Variants in ZBED3 observed in about 807,000 individuals in gnomAD.
ZBED3 encodes the protein zinc finger BED-type containing 3.
For missense variants in ZBED3, 388 were observed against 362.9 expected (o/e 1.07, Z -0.56); for synonymous variants, 175 against 180.0 (o/e 0.97, Z 0.22).
rs1296869793 is a variant in ZBED3 at position 77,073,277 on chromosome 5, T to C, written c.*3897A>G. Reference sequence around the variant, plus strand: ...GGAGTAGTTAAGATTCTAAATCCTTTCCTATGTTTTAATGGTTCTTACAAT... The same window carrying C: ...GGAGTAGTTAAGATTCTAAATCCTTCCCTATGTTTTAATGGTTCTTACAAT... On this transcript the variant is annotated 3_prime_UTR_variant, in exon 3 of 3. Coordinates refer to ENST00000255198, the MANE Select transcript of ZBED3 (RefSeq NM_032367.4). The C allele has an allele frequency of 6.6e-6, 1 of 152,174 alleles. No individual in the cohort carries two copies. The allele number at this position is 152,174 out of a possible 1,614,324, so 9.4% of individuals were successfully genotyped here.
chr5:77,083,378 G>A (rs1466173829), intron 1 of ZBED3, among the ~76,000 whole-genome samples: 1 of 152,182 alleles, frequency 6.6e-6, no homozygotes, highest in Non-Finnish European at 1.5e-5. Flanking sequence ...TGGAAGAGGA[G>A]CTCATCCCAT....
At position 77,076,198 on chromosome 5, in the gene ZBED3, A is replaced by C. The variant is rs1013767670; in HGVS notation, c.*976T>G. 6.6e-6 allele frequency: 1 copy of C among 151,084 alleles called. No homozygotes were observed. Among genetic ancestry groups the C allele is most frequent in the Non-Finnish European group, 1.5e-5 (1 of 67,896 alleles). 9.4% of individuals were successfully genotyped at this position (151,084 alleles called of 1,614,324 possible). A position where few individuals can be genotyped will look rare whatever the true frequency, so the allele number is the denominator to read the frequency against. ...TTTCAGTAAGAAAGGGAGACTGCACATTGCTGAGGAAGAAGAGCCTGGGGG... is the reference window on the plus strand; with the variant it reads ...TTTCAGTAAGAAAGGGAGACTGCACCTTGCTGAGGAAGAAGAGCCTGGGGG... On this transcript the variant is annotated 3_prime_UTR_variant, in exon 3 of 3. Transcript: ENST00000255198.
chr5:77,075,323 A>G lies in ZBED3; in HGVS notation c.*1851T>C, dbSNP rs1742954112. Reference sequence around the variant, plus strand: ...GTTGTTGTAGACTGAAAGTGACTAGAGTTGAAACCAAAAGAATGTATGAAC... The same window carrying G: ...GTTGTTGTAGACTGAAAGTGACTAGGGTTGAAACCAAAAGAATGTATGAAC... On this transcript the variant is annotated 3_prime_UTR_variant, in exon 3 of 3. Transcript: ENST00000255198. 1 of 152,190 alleles carries G rather than the reference A, an allele frequency of 6.6e-6. No homozygotes were observed. The highest frequency in any genetic ancestry group is 1.5e-5 in the Non-Finnish European group (1 of 68,030). 9.4% of individuals were successfully genotyped at this position (152,190 alleles called of 1,614,324 possible).
rs1561296586 is a variant in ZBED3, at chr5:77,076,035, AT to A, written c.*1138del. The A allele has an allele frequency of 1.1e-5, 1 of 94,800 alleles. No homozygotes were observed. Among genetic ancestry groups the A allele is most frequent in the Non-Finnish European group, 2.4e-5 (1 of 42,186 alleles). 5.9% of individuals were successfully genotyped at this position (94,800 alleles called of 1,614,324 possible). On this transcript the variant is annotated 3_prime_UTR_variant, in exon 3 of 3. Coordinates refer to ENST00000255198, the MANE Select transcript of ZBED3 (RefSeq NM_032367.4). ...TATGTATATATGTATATATATATGT[AT>A]ATATGTATATATATATATAATATAT... is the stretch of plus-strand genomic sequence containing the variant.
At chr5:77,077,979 GCCCT>G in intron 2 of ZBED3, 84 bp from the exon 3 acceptor site, 1 of 1,008,400 alleles carries the variant, frequency 9.9e-7, no homozygotes, top group East Asian at 3.3e-5. Flanking sequence ...AAACCATGCC[GCCCT>G]CCATTTTCTT....
Position 77,074,964 on chromosome 5 carries a change from G to C in ZBED3, c.*2210C>G, listed in dbSNP as rs1464077102. On this transcript the variant is annotated 3_prime_UTR_variant, in exon 3 of 3. Transcript: ENST00000255198. ...AGTATGTGCCTGATACATTGTTAGT[G>C]CCCAGTAAATGTTAGTTATCAGGTG... 2 of 152,198 alleles carry C rather than the reference G, an allele frequency of 1.3e-5. No homozygotes were observed. The highest frequency in any genetic ancestry group is 4.8e-5 in the African/African-American group (2 of 41,440). The allele number at this position is 152,198 out of a possible 1,614,324, so 9.4% of individuals were successfully genotyped here.
chr5:77,084,715 C>T (rs1254137428), intron 1 of ZBED3, among the ~76,000 whole-genome samples: 1 of 152,154 alleles, frequency 6.6e-6, no homozygotes, highest in African/African-American at 2.4e-5. Context: ...GGGGCCCTAA[C>T]ACAAAAGTTC....
In ZBED3 at chr5:77,073,089, A is replaced by AT. The variant is rs1006365472; in HGVS notation, c.*4084dup. The AT allele has an allele frequency of 2.1e-5, 3 of 145,098 alleles. No individual in the cohort carries two copies. The highest frequency in any genetic ancestry group is 3.9e-4 in the East Asian group (2 of 5,190). The allele number at this position is 145,098 out of a possible 1,614,324, so 9.0% of individuals were successfully genotyped here. ...GAGAGGAATGTTGTCTACAAACAAAATTTTTTTATCATAAAAGTAATTCAT... is the reference window on the plus strand; with the variant it reads ...GAGAGGAATGTTGTCTACAAACAAAATTTTTTTTATCATAAAAGTAATTCAT... On this transcript the variant is annotated 3_prime_UTR_variant, in exon 3 of 3. Transcript: ENST00000255198.
rs935558541 is a variant in ZBED3 at position 77,077,525 on chromosome 5, C to T, written c.354G>A (p.Pro118=). The change falls in exon 3 of 3, where the codon CCG becomes CCA. Residue 118 remains proline, a synonymous_variant. Transcript: ENST00000255198. The part of the protein sequence containing the change: ...SSPPAAPCPP[P]PGPAAAPEGD... ...CCTCGGGGGCCGCAGCGGGGCCGGG[C>T]GGCGGCGGGCAGGGCGCGGCAGGTG... is the stretch of plus-strand genomic sequence containing the variant. The T allele has an allele frequency of 1.7e-6, 2 of 1,205,742 alleles. No homozygotes were observed. The highest frequency in any genetic ancestry group is 2.1e-6 in the Non-Finnish European group (2 of 974,366). 74.7% of individuals were successfully genotyped at this position (1,205,742 alleles called of 1,614,324 possible). A position where few individuals can be genotyped will look rare whatever the true frequency, so the allele number is the denominator to read the frequency against.
At chr5:77,081,467 A>G (rs1357332154) in intron 1 of ZBED3, among the ~76,000 whole-genome samples, 2 of 151,532 alleles carry the variant, frequency 1.3e-5, no homozygotes, top group Non-Finnish European at 2.9e-5. Context: ...CTCCCACCTC[A>G]GCCTCCAAAG....
At chr5:77,083,824 G>A (rs530928556) in intron 1 of ZBED3, among the ~76,000 whole-genome samples, 1 of 152,220 alleles carries the variant, frequency 6.6e-6, no homozygotes, top group African/African-American at 2.4e-5. Flanking sequence ...TTCCTAAATT[G>A]AACTTCATGC....
chr5:77,082,460 T>C (rs1743147598), intron 1 of ZBED3, among the ~76,000 whole-genome samples: 1 of 152,126 alleles, frequency 6.6e-6, no homozygotes, highest in South Asian at 2.1e-4. Context: ...TGGCTGAGTA[T>C]ATAACATATG....
At chr5:77,081,718 C>T (rs1743133099) in intron 1 of ZBED3, among the ~76,000 whole-genome samples, 1 of 152,050 alleles carries the variant, frequency 6.6e-6, no homozygotes, top group African/African-American at 2.4e-5. Flanking sequence ...TCAATTTTTC[C>T]TTGAACATTT....
chr5:77,080,690 C>G (rs963856303), intron 1 of ZBED3: 1 of 479,780 alleles, frequency 2.1e-6, no homozygotes, highest in Non-Finnish European at 4.2e-6. Context: ...ATCACAAGGA[C>G]AGAAAACCAA....
intron 1 of ZBED3, among the ~76,000 whole-genome samples, chr5:77,085,771 T>G (rs1743225398): frequency 6.6e-6 from 1 of 152,186 alleles, no homozygotes; most frequent in Non-Finnish European, 1.5e-5. Flanking sequence ...TATAAAGAGA[T>G]CCAGACAATT....
intron 1 of ZBED3, among the ~76,000 whole-genome samples, chr5:77,084,195 A>G (rs1474001097): frequency 6.6e-6 from 1 of 152,170 alleles, no homozygotes; most frequent in Non-Finnish European, 1.5e-5. Flanking sequence ...GTTGGGAAAG[A>G]GATGCTTCCA....
At chr5:77,082,021 CTT>C (rs1743138281) in intron 1 of ZBED3, among the ~76,000 whole-genome samples, 1 of 152,160 alleles carries the variant, frequency 6.6e-6, no homozygotes, top group African/African-American at 2.4e-5. Context: ...AATCCCAACA[CTT>C]TGGGAGTTCC....
chr5:77,077,959 T>A, intron 2 of ZBED3, 64 bp from the exon 3 acceptor site: 1 of 1,148,382 alleles, frequency 8.7e-7, no homozygotes, highest in Non-Finnish European at 1.1e-6. Flanking sequence ...TAGACTACAG[T>A]TAGCCTAAGA....
chr5:77,077,186 CT>C lies in ZBED3; in HGVS notation c.692del (p.Lys231ArgfsTer48). 2 of 1,492,792 alleles carry C rather than the reference CT, an allele frequency of 1.3e-6. No individual in the cohort carries two copies. Among genetic ancestry groups the C allele is most frequent in the South Asian group, 1.3e-5 (1 of 79,346 alleles). The allele number at this position is 1,492,792 out of a possible 1,614,324, so 92.5% of individuals were successfully genotyped here. On this transcript the variant is annotated frameshift_variant, in exon 3 of 3. Coordinates refer to ENST00000255198, the MANE Select transcript of ZBED3 (RefSeq NM_032367.4). LOFTEE classifies it high-confidence loss of function. ...AGTGGCCACACCCCTACAGGAGGAC[CT>C]TTGTGATGACGCAGCCGTCCCTGTC... ...EGDRDGCVIT[K>X]VLL
Sources: allele counts gnomAD v4.1 joint callset (sites outside exome capture counted in the v4.1 genomes callset), GRCh38; gene constraint gnomAD v4.1.1; transcripts MANE v1.5; gene names NCBI Gene and HGNC (gene_info 2026-07-23, HGNC 2026-07-21).